The following LPA variants were observed in gnomAD, a reference collection of about 807,000 sequenced individuals.
LPA encodes lipoprotein(a).
LPA carries 199 observed loss-of-function variants against 197.9 expected under a neutral mutation model. The ratio of observed to expected loss-of-function variants is 1.01; its 90% CI spans 0.90 to 1.13. The LOEUF (loss-of-function observed/expected upper bound fraction) is 1.13, where lower values mean the gene tolerates loss of function less well. Ranked by LOEUF, LPA falls within the 50% of genes most tolerant of loss-of-function variation. The pLI is 0.00. For synonymous variants in LPA, 715 were observed against 639.5 expected (o/e 1.12, Z -1.78); for missense variants, 1,853 against 1,785.8 (o/e 1.04, Z -0.68).
intron 26 of LPA, among the ~76,000 whole-genome samples, chr6:160,584,309 CTCT>C (rs1000956801): frequency 1.8e-5 from 2 of 112,232 alleles, no homozygotes; most frequent in African/African-American, 3.3e-5. Flanking sequence ...CTTCTTCTTC[CTCT>C]TCTTCTTTTC....
chr6:160,590,345 C>G (rs973172468), intron 23 of LPA, among the ~76,000 whole-genome samples: 1 of 152,144 alleles, frequency 6.6e-6, no homozygotes, highest in African/African-American at 2.4e-5. Context: ...GATACGTGTT[C>G]CATGAGAAGG....
intron 21 of LPA, among the ~76,000 whole-genome samples, chr6:160,594,635 C>A (rs1779094983): frequency 6.6e-6 from 1 of 152,200 alleles, no homozygotes; most frequent in South Asian, 2.1e-4. Flanking sequence ...GAGAGGGCTA[C>A]TGGCCAAAAT....
chr6:160,555,238 A>AATTAT (rs533211549), intron 30 of LPA, among the ~76,000 whole-genome samples: 31,999 of 119,678 alleles, frequency 0.27, 4,741 homozygotes, highest in East Asian at 0.36. Flanking sequence ...TATATATATT[A>AATTAT]ATTATATTAT....
chr6:160,602,238 C>T (rs970665671), intron 18 of LPA, among the ~76,000 whole-genome samples: 15 of 152,144 alleles, frequency 9.9e-5, no homozygotes, highest in Admixed American at 6.5e-5. Flanking sequence ...TCCTTGGCTT[C>T]CCTCTTTTGG....
At chr6:160,659,167 T>A (rs1167922552) in intron 1 of LPA, among the ~76,000 whole-genome samples, 1 of 152,132 alleles carries the variant, frequency 6.6e-6, no homozygotes, top group African/African-American at 2.4e-5. Flanking sequence ...CAGTCTAGCC[T>A]TTTTACATTT....
intron 26 of LPA, among the ~76,000 whole-genome samples, chr6:160,581,650 C>A (rs942919973): frequency 4.6e-5 from 7 of 152,152 alleles, no homozygotes; most frequent in African/African-American, 1.7e-4. Context: ...TTACCATATG[C>A]ATCTATCCCA....
intron 28 of LPA, among the ~76,000 whole-genome samples, chr6:160,571,659 G>T (rs1778564158): frequency 6.6e-6 from 1 of 152,212 alleles, no homozygotes; most frequent in Non-Finnish European, 1.5e-5. Flanking sequence ...CTTCCTAGCG[G>T]TTTTGCTTAC....
intron 18 of LPA, among the ~76,000 whole-genome samples, chr6:160,601,315 A>G (rs1779238662): frequency 1.3e-5 from 2 of 152,286 alleles, no homozygotes; most frequent in Middle Eastern, 3.4e-3. Context: ...AAAAAAATCT[A>G]ATGCAGCACA....
At chr6:160,659,312 C>A (rs1780183469) in intron 1 of LPA, among the ~76,000 whole-genome samples, 2 of 152,140 alleles carry the variant, frequency 1.3e-5, no homozygotes. Context: ...GTAAAGCACT[C>A]AGGATCTTTT....
intron 37 of LPA, among the ~76,000 whole-genome samples, chr6:160,535,928 G>A (rs1486993279): frequency 6.6e-6 from 1 of 152,178 alleles, no homozygotes; most frequent in Non-Finnish European, 1.5e-5. Context: ...CTTTCTGGCT[G>A]CCCAGCAGCT....
At chr6:160,658,265 T>C (rs74811234) in intron 1 of LPA, among the ~76,000 whole-genome samples, 1 of 152,154 alleles carries the variant, frequency 6.6e-6, no homozygotes, top group Non-Finnish European at 1.5e-5. Context: ...CAGGGTCCCA[T>C]TTTTTTCCAG....
chr6:160,582,370 T>C (rs989205748), intron 26 of LPA, among the ~76,000 whole-genome samples: 6 of 152,100 alleles, frequency 3.9e-5, no homozygotes, highest in Non-Finnish European at 7.4e-5. Context: ...TTGATCTTTT[T>C]TTCTTTCTTA....
intron 30 of LPA, among the ~76,000 whole-genome samples, chr6:160,553,263 C>T (rs943795080): frequency 6.6e-6 from 1 of 152,064 alleles, no homozygotes; most frequent in Admixed American, 6.6e-5. Flanking sequence ...TTGCCATTTG[C>T]CATTTCCAGG....
chr6:160,599,489 C>G lies in LPA; in HGVS notation c.3287+11G>C, dbSNP rs1779196123. 2 of 1,613,118 alleles carry G rather than the reference C, an allele frequency of 1.2e-6. No homozygotes were observed. The highest frequency in any genetic ancestry group is 1.3e-5 in the African/African-American group (1 of 74,892). Reference sequence around the variant, plus strand: ...CCCTTCCTTCGCTTATGGTAAAGAACAAAGACGTACGCATTTGGGTAGTTT... The same window carrying G: ...CCCTTCCTTCGCTTATGGTAAAGAAGAAAGACGTACGCATTTGGGTAGTTT... On this transcript the variant is annotated intron_variant, in intron 20 of 38. Coordinates refer to ENST00000316300, the MANE Select transcript of LPA (RefSeq NM_005577.4).
At chr6:160,573,224 T>C (rs772314104) in intron 28 of LPA, among the ~76,000 whole-genome samples, 31 of 152,210 alleles carry the variant, frequency 2.0e-4, no homozygotes, top group Non-Finnish European at 3.5e-4. Flanking sequence ...TCAGTTCTAT[T>C]GCTGAGACTT....
chr6:160,605,022 T>C, intron 18 of LPA, 24 bp downstream of exon 18: 1 of 1,612,910 alleles, frequency 6.2e-7, no homozygotes, highest in African/African-American at 1.3e-5. Flanking sequence ...CTTCCTTCAC[T>C]TATGGTAAAG....
chr6:160,600,904 C>A lies in LPA; in HGVS notation c.3127+13G>T, dbSNP rs1442809197. 6.2e-7 allele frequency: 1 copy of A among 1,612,030 alleles called. No homozygotes were observed. The highest frequency in any genetic ancestry group is 1.1e-5 in the South Asian group (1 of 91,000). On this transcript the variant is annotated intron_variant, in intron 19 of 38. Coordinates refer to ENST00000316300, the MANE Select transcript of LPA (RefSeq NM_005577.4). Reference sequence around the variant, plus strand: ...AGCATCCAAGCAGGTAAATGTCTGGCACAACTTCTTACCTTGTTCAAAAAA... The same window carrying A: ...AGCATCCAAGCAGGTAAATGTCTGGAACAACTTCTTACCTTGTTCAAAAAA...
At chr6:160,550,170 G>A (rs74398319) in intron 30 of LPA, among the ~76,000 whole-genome samples, 1,782 of 151,360 alleles carry the variant, frequency 0.012, 34 homozygotes, top group African/African-American at 0.041. Flanking sequence ...GCAATCAGCC[G>A]AGATTGGGCC....
chr6:160,599,757 T>G, intron 19 of LPA, 98 bp from the exon 20 acceptor site: 1 of 1,323,984 alleles, frequency 7.6e-7, no homozygotes, highest in South Asian at 1.2e-5. Context: ...TCACTGAGAT[T>G]TACAACCATT....
Sources: gnomAD v4.1 joint callset for allele counts (sites outside exome capture counted in the v4.1 genomes callset) on GRCh38, gnomAD v4.1.1 for gene constraint, MANE v1.5 for transcripts, NCBI Gene and HGNC (gene_info 2026-07-23, HGNC 2026-07-21) for gene names.